The following PLEK variants were observed in gnomAD, a reference collection of about 807,000 sequenced individuals.
The protein encoded by PLEK is platelet 47 kDa protein.
In PLEK, 25 loss-of-function variants were observed where a neutral mutation model predicts 43.9. The ratio of observed to expected loss-of-function variants is 0.57; its 90% CI spans 0.41 to 0.79. The LOEUF (loss-of-function observed/expected upper bound fraction) is 0.79, where lower values mean the gene tolerates loss of function less well. Ranked by LOEUF, PLEK falls within the 30% of genes least tolerant of loss-of-function variation. The pLI, the probability that PLEK is intolerant of heterozygous loss-of-function variation, is 0.00. For missense variants in PLEK, 396 were observed against 413.3 expected, an observed-to-expected ratio of 0.96 and a Z score of 0.36; for synonymous variants, 152 against 144.4, an observed-to-expected ratio of 1.05 and a Z score of -0.38.
rs1216878895 is a variant in PLEK, at chr2:68,369,271, TC to T, written c.42+3880del. Among the ~76,000 whole-genome samples, 11 of 152,312 alleles carry T rather than the reference TC, an allele frequency of 7.2e-5. No individual in the cohort carries two copies. In the South Asian group the frequency reaches 2.3e-3, roughly 32 times the overall value. ...AAGTACAGAGAGGCAAATGGCCTTG[TC>T]CAAAGTCACACAGTTAATAAGTGGC... On this transcript the variant is annotated intron_variant, in intron 1 of 8. Coordinates refer to ENST00000234313, the MANE Select transcript of PLEK (RefSeq NM_002664.3).
chr2:68,378,216 A>G (rs1001455527), intron 1 of PLEK, among the ~76,000 whole-genome samples: 1 of 152,192 alleles, frequency 6.6e-6, no homozygotes, highest in Non-Finnish European at 1.5e-5. Context: ...ACAAAAAGCC[A>G]TGGCTCAGAA....
chr2:68,385,060 G>C (rs1245759360), intron 4 of PLEK, among the ~76,000 whole-genome samples: 1 of 152,186 alleles, frequency 6.6e-6, no homozygotes, highest in Non-Finnish European at 1.5e-5. Flanking sequence ...GACAGGACAG[G>C]CAGGCTGTCA....
intron 1 of PLEK, among the ~76,000 whole-genome samples, chr2:68,370,075 T>C (rs564431680): frequency 1.3e-5 from 2 of 152,268 alleles, no homozygotes; most frequent in African/African-American, 2.4e-5. Flanking sequence ...AAGGGCTTAA[T>C]TGAATGCAGC....
chr2:68,375,118 T>C (rs917606995), intron 1 of PLEK, among the ~76,000 whole-genome samples: 1 of 152,204 alleles, frequency 6.6e-6, no homozygotes, highest in African/African-American at 2.4e-5. Flanking sequence ...CCAGATATTT[T>C]TTCTGCACTG....
At chr2:68,377,553 G>A (rs1275671879) in intron 1 of PLEK, among the ~76,000 whole-genome samples, 1 of 152,102 alleles carries the variant, frequency 6.6e-6, no homozygotes, top group Non-Finnish European at 1.5e-5. Context: ...ATGCACACTT[G>A]CCATTTGTAT....
chr2:68,385,814 C>T (rs7597167), intron 4 of PLEK, among the ~76,000 whole-genome samples: 40,145 of 152,198 alleles, frequency 0.26, 5,581 homozygotes, highest in Middle Eastern at 0.36. Context: ...CTCTTTCACA[C>T]CTTCAGATTT....
At chr2:68,371,833 A>G (rs745947775) in intron 1 of PLEK, among the ~76,000 whole-genome samples, 5 of 152,060 alleles carry the variant, frequency 3.3e-5, no homozygotes, top group Admixed American at 3.3e-4. Flanking sequence ...TTGCTGACTC[A>G]TAGAGCTCCT....
At chr2:68,378,315 T>C (rs573719203) in intron 1 of PLEK, among the ~76,000 whole-genome samples, 1 of 152,282 alleles carries the variant, frequency 6.6e-6, no homozygotes, top group South Asian at 2.1e-4. Context: ...CCCCAAATCA[T>C]AGCATACACT....
At chr2:68,394,209 C>T (rs1481847515) in intron 8 of PLEK, 33 bp downstream of exon 8, 2 of 1,215,412 alleles carry the variant, frequency 1.6e-6, no homozygotes, top group Admixed American at 1.7e-5. Flanking sequence ...AGAGGTGGGT[C>T]TGCTCAGACT....
At chr2:68,390,124 G>C (rs79538278) in intron 6 of PLEK, among the ~76,000 whole-genome samples, 2 of 152,184 alleles carry the variant, frequency 1.3e-5, no homozygotes, top group Non-Finnish European at 2.9e-5. Context: ...CAAAAATTGT[G>C]TGTGGGTAAT....
rs576840387 is a variant in PLEK at position 68,369,006 on chromosome 2, A to G, written c.42+3613A>G. On this transcript the variant is annotated intron_variant, in intron 1 of 8. Coordinates refer to ENST00000234313, the MANE Select transcript of PLEK (RefSeq NM_002664.3). ...AGAAGTGGAAGAGAGCCCGAGAGTCAGGGTCCTGGCCCAGGAGTTCTTTCC... is the reference window on the plus strand; with the variant it reads ...AGAAGTGGAAGAGAGCCCGAGAGTCGGGGTCCTGGCCCAGGAGTTCTTTCC... Among the ~76,000 whole-genome samples the G allele has an allele frequency of 4.3e-4, 65 of 152,336 alleles. 1 individual carries two copies. In the Middle Eastern group the frequency reaches 0.01, roughly 24 times the overall value.
intron 5 of PLEK, 59 bp downstream of exon 5, chr2:68,386,745 G>C: frequency 7.4e-7 from 1 of 1,355,268 alleles, no homozygotes; most frequent in Non-Finnish European, 1.0e-6. Flanking sequence ...GCAGATTCTA[G>C]ATTGATTTCA....
At chr2:68,382,383 T>G (rs1457831406) in intron 3 of PLEK, among the ~76,000 whole-genome samples, 159 bp from the exon 4 acceptor site, 1 of 152,200 alleles carries the variant, frequency 6.6e-6, no homozygotes, top group African/African-American at 2.4e-5. Context: ...CCTCCACTAC[T>G]TATGATCTGA....
chr2:68,393,368 T>C, intron 7 of PLEK, 123 bp downstream of exon 7: 1 of 679,878 alleles, frequency 1.5e-6, no homozygotes, highest in Non-Finnish European at 2.6e-6. Flanking sequence ...GCCCACTTTT[T>C]TTTCTCCCAT....
intron 4 of PLEK, 46 bp downstream of exon 4, chr2:68,382,679 A>AT: frequency 3.7e-6 from 4 of 1,079,844 alleles, no homozygotes; most frequent in Non-Finnish European, 5.7e-6. Context: ...GGAAGGCGAT[A>AT]TGGAGTCCTC....
At chr2:68,391,844 T>C (rs1445841178) in intron 6 of PLEK, among the ~76,000 whole-genome samples, 1 of 152,234 alleles carries the variant, frequency 6.6e-6, no homozygotes, top group Non-Finnish European at 1.5e-5. Flanking sequence ...TATTTTTGGC[T>C]TCTGGAGTTA....
At chr2:68,371,676 C>T (rs1378015203) in intron 1 of PLEK, among the ~76,000 whole-genome samples, 3 of 152,170 alleles carry the variant, frequency 2.0e-5, no homozygotes, top group African/African-American at 4.8e-5. Flanking sequence ...GGGATTTGAG[C>T]CTGAGCCATC....
At chr2:68,388,899 G>A (rs904986493) in intron 6 of PLEK, among the ~76,000 whole-genome samples, 1 of 152,104 alleles carries the variant, frequency 6.6e-6, no homozygotes, top group African/African-American at 2.4e-5. Context: ...CCCAGAAGAG[G>A]AACAGAGTAC....
At chr2:68,366,339 G>A (rs1489615847) in intron 1 of PLEK, among the ~76,000 whole-genome samples, 3 of 152,236 alleles carry the variant, frequency 2.0e-5, no homozygotes, top group African/African-American at 7.2e-5. Flanking sequence ...TGTAAGGGGG[G>A]TTAAATAGCA....
Sources: allele counts gnomAD v4.1 joint callset (sites outside exome capture counted in the v4.1 genomes callset), GRCh38; gene constraint gnomAD v4.1.1; transcripts MANE v1.5; gene names NCBI Gene and HGNC (gene_info 2026-07-23, HGNC 2026-07-21).